Variants in ADAMTSL1 observed in about 807,000 individuals in gnomAD.
ADAMTSL1 encodes ADAMTS-like protein 1.
In ADAMTSL1, 126 loss-of-function variants were observed where a neutral mutation model predicts 201.8. The ratio of observed to expected loss-of-function variants is 0.62; its 90% CI spans 0.54 to 0.72. ADAMTSL1 has a LOEUF of 0.72. ADAMTSL1 is among the 30% of genes least tolerant of loss of function. The probability of loss-of-function intolerance (pLI) is 0.00; values close to 1 mark genes in which losing one functional copy is unlikely to be tolerated. For synonymous variants in ADAMTSL1, 1,121 were observed against 903.4 expected (o/e 1.24, Z -4.32); for missense variants, 2,679 against 2,277.8 (o/e 1.18, Z -3.59).
intron 1 of ADAMTSL1, among the ~76,000 whole-genome samples, chr9:17,968,158 G>A (rs1022894921): frequency 2.0e-5 from 3 of 152,070 alleles, no homozygotes; most frequent in African/African-American, 7.2e-5. Flanking sequence ...ACCTTAGTGT[G>A]TACTGCTACC....
intron 1 of ADAMTSL1, among the ~76,000 whole-genome samples, chr9:18,121,493 C>A (rs947702447): frequency 6.6e-6 from 1 of 152,078 alleles, no homozygotes; most frequent in Non-Finnish European, 1.5e-5. Context: ...AACAAGCCAT[C>A]GAAATGTATT....
Position 18,609,089 on chromosome 9 carries a change from C to G in ADAMTSL1, c.475-13154C>G, listed in dbSNP as rs117737422. 4.6e-3 allele frequency among the ~76,000 whole-genome samples: 704 copies of G among 152,208 alleles called. 8 individuals are homozygous for G. The highest frequency in any genetic ancestry group is 0.029 in the Admixed American group (445 of 15,276). On this transcript the variant is annotated intron_variant, in intron 4 of 28. Transcript: ENST00000380548. Reference sequence around the variant, plus strand: ...TCCCAGTCCCTGAAAATATGTCTTTCCCAGCACCTTAGGTTTTAGAAGAAT... The same window carrying G: ...TCCCAGTCCCTGAAAATATGTCTTTGCCAGCACCTTAGGTTTTAGAAGAAT...
chr9:18,304,361 A>C (rs1275200972), intron 2 of ADAMTSL1, among the ~76,000 whole-genome samples: 2 of 152,124 alleles, frequency 1.3e-5, no homozygotes, highest in East Asian at 3.9e-4. Flanking sequence ...TACTTTTTAT[A>C]AAAGAAAACC....
intron 2 of ADAMTSL1, among the ~76,000 whole-genome samples, chr9:18,393,832 A>G (rs2133233619): frequency 6.6e-6 from 1 of 152,336 alleles, no homozygotes; most frequent in East Asian, 1.9e-4. Flanking sequence ...AGGGAAGCCA[A>G]AAGTGAAGGC....
chr9:18,651,668 A>G (rs182373974), intron 7 of ADAMTSL1, among the ~76,000 whole-genome samples: 42 of 152,292 alleles, frequency 2.8e-4, no homozygotes, highest in Non-Finnish European at 4.9e-4. Context: ...CATCATTCCA[A>G]TTGTTACCAA....
At chr9:18,835,502 T>A (rs1203306370) in intron 23 of ADAMTSL1, among the ~76,000 whole-genome samples, 1 of 152,172 alleles carries the variant, frequency 6.6e-6, no homozygotes, top group Non-Finnish European at 1.5e-5. Context: ...CTTAATTTTT[T>A]AAAATAATTT....
chr9:18,376,091 C>T (rs116186857), intron 2 of ADAMTSL1, among the ~76,000 whole-genome samples: 1 of 152,212 alleles, frequency 6.6e-6, no homozygotes, highest in African/African-American at 2.4e-5. Flanking sequence ...CTGGCTTCAC[C>T]TTTCACTTCT....
At chr9:18,639,713 A>T (rs1233609317) in intron 7 of ADAMTSL1, among the ~76,000 whole-genome samples, 1 of 152,150 alleles carries the variant, frequency 6.6e-6, no homozygotes, top group Non-Finnish European at 1.5e-5. Flanking sequence ...GATTGTTTTT[A>T]AAATAGTTTG....
chr9:18,009,464 G>C (rs1045995155), intron 1 of ADAMTSL1, among the ~76,000 whole-genome samples: 1 of 152,148 alleles, frequency 6.6e-6, no homozygotes, highest in South Asian at 2.1e-4. Flanking sequence ...TGAGTACCTT[G>C]CATAGTGCCT....
chr9:18,687,675 C>T (rs148469500), intron 13 of ADAMTSL1, among the ~76,000 whole-genome samples: 193 of 152,182 alleles, frequency 1.3e-3, no homozygotes, highest in African/African-American at 4.4e-3. Context: ...TAACCTTGTT[C>T]GATGTTAGAT....
At chr9:18,526,704 G>T (rs1226651436) in intron 2 of ADAMTSL1, among the ~76,000 whole-genome samples, 1 of 152,136 alleles carries the variant, frequency 6.6e-6, no homozygotes, top group African/African-American at 2.4e-5. Flanking sequence ...ATGAAGCTTA[G>T]TTTGGAGAAT....
chr9:18,862,962 T>G (rs1827302479), intron 23 of ADAMTSL1, among the ~76,000 whole-genome samples: 1 of 152,194 alleles, frequency 6.6e-6, no homozygotes, highest in Non-Finnish European at 1.5e-5. Flanking sequence ...CTGTGTATTA[T>G]CCTCATGAGG....
intron 2 of ADAMTSL1, among the ~76,000 whole-genome samples, chr9:18,373,161 C>A (rs900064592): frequency 6.6e-6 from 1 of 152,118 alleles, no homozygotes; most frequent in Non-Finnish European, 1.5e-5. Context: ...CTTAGTTGAC[C>A]TTCTCAGTCC....
intron 1 of ADAMTSL1, among the ~76,000 whole-genome samples, chr9:18,064,954 ATTTTTTTTTTTTTTTTTTT>A (rs563021690): frequency 1.4e-5 from 1 of 69,014 alleles, no homozygotes; most frequent in East Asian, 4.8e-4. Context: ...TTTGCTAAAG[ATTTTTTTTTTTTTTTTTTT>A]TTTTTTTTTT....
At chr9:18,012,093 G>A (rs889489733) in intron 1 of ADAMTSL1, among the ~76,000 whole-genome samples, 1 of 152,008 alleles carries the variant, frequency 6.6e-6, no homozygotes, top group South Asian at 2.1e-4. Context: ...AAGGTCCAGG[G>A]GTTGCAGGTG....
At chr9:17,930,307 T>A (rs1033866801) in intron 1 of ADAMTSL1, among the ~76,000 whole-genome samples, 3 of 152,112 alleles carry the variant, frequency 2.0e-5, no homozygotes, top group South Asian at 2.1e-4. Flanking sequence ...TGTATCTGGA[T>A]GACATATGGG....
intron 2 of ADAMTSL1, among the ~76,000 whole-genome samples, chr9:18,199,153 A>G (rs1021634957): frequency 1.3e-5 from 2 of 151,514 alleles, no homozygotes; most frequent in Non-Finnish European, 2.9e-5. Flanking sequence ...AGATATACCT[A>G]ATGCTAGATG....
At chr9:18,377,742 A>G (rs185676994) in intron 2 of ADAMTSL1, among the ~76,000 whole-genome samples, 1 of 152,044 alleles carries the variant, frequency 6.6e-6, no homozygotes, top group Non-Finnish European at 1.5e-5. Flanking sequence ...AATTTTTTGT[A>G]TTTTTAGTAG....
chr9:18,103,149 A>G (rs997980185), intron 1 of ADAMTSL1, among the ~76,000 whole-genome samples: 8 of 152,304 alleles, frequency 5.3e-5, no homozygotes, highest in East Asian at 3.9e-4. Flanking sequence ...TACAGGATAA[A>G]GAGATCTTTG....
Sources: allele counts gnomAD v4.1 joint callset (sites outside exome capture counted in the v4.1 genomes callset), GRCh38; gene constraint gnomAD v4.1.1; transcripts MANE v1.5; gene names NCBI Gene and HGNC (gene_info 2026-07-23, HGNC 2026-07-21).